Variants in STX1B observed in about 807,000 individuals in gnomAD.
STX1B encodes the protein syntaxin-1B.
STX1B carries 7 observed loss-of-function variants against 39.4 expected under a neutral mutation model. The observed-to-expected ratio is 0.18, with a 90% CI of 0.10 to 0.33. STX1B has a LOEUF of 0.33. Among genes scored for constraint, STX1B ranks in the 10% least tolerant of loss-of-function variants. The pLI is 1.00. For synonymous variants in STX1B, 136 were observed against 144.1 expected (o/e 0.94, Z 0.40); for missense variants, 198 against 383.2 (o/e 0.52, Z 4.04).
At position 30,989,405 on chromosome 16, in the gene STX1B, TAGAAATGGGACTCTGAGGGCTAAC is replaced by T. The variant is rs3833843; in HGVS notation, c.*3392_*3415del. ...TATCCATTTGCAAGTTGGTCACCAA[TAGAAATGGGACTCTGAGGGCTAAC>T]AGAAATGGGACTCTGAGGGCTAACA... On this transcript the variant is annotated 3_prime_UTR_variant, in exon 10 of 10. Transcript: ENST00000215095. 79,045 of 150,278 alleles carry T rather than the reference TAGAAATGGGACTCTGAGGGCTAAC, an allele frequency of 0.53. 23,025 individuals are homozygous for T. The highest frequency in any genetic ancestry group is 0.9 in the East Asian group (4,471 of 4,942). The allele number at this position is 150,278 out of a possible 1,614,324, so 9.3% of individuals were successfully genotyped here.
intron 1 of STX1B, among the ~76,000 whole-genome samples, chr16:31,006,774 G>A (rs961158105): frequency 1.3e-5 from 2 of 152,172 alleles, no homozygotes; most frequent in African/African-American, 4.8e-5. Flanking sequence ...CAGCATGCGC[G>A]AAGGTCCTTG....
rs1296235793 is a variant in STX1B at position 30,990,798 on chromosome 16, G to A, written c.*2023C>T. On this transcript the variant is annotated 3_prime_UTR_variant, in exon 10 of 10. Coordinates refer to ENST00000215095, the MANE Select transcript of STX1B (RefSeq NM_052874.5). ...CTGTGCTGGCTACACAACAGGGGAG[G>A]TGCTAGCCCCTTCCTCACACCAGAA... 6.6e-6 allele frequency: 1 copy of A among 152,244 alleles called. No individual in the cohort carries two copies. The highest frequency in any genetic ancestry group is 1.5e-5 in the Non-Finnish European group (1 of 68,054). The allele number at this position is 152,244 out of a possible 1,614,324, so 9.4% of individuals were successfully genotyped here. A position where few individuals can be genotyped will look rare whatever the true frequency, so the allele number is the denominator to read the frequency against.
Position 30,996,673 on chromosome 16 carries a change from C to G in STX1B, c.537+10G>C, listed in dbSNP as rs753334289. 7.4e-6 allele frequency: 12 copies of G among 1,612,328 alleles called. No individual in the cohort carries two copies. In the South Asian group the frequency reaches 1.3e-4, roughly 18 times the overall value. ...TTCCAAAAGCAGAGCCCGCCCCACC[C>G]GCGGCTCACGTCATCTGTGAAGATG... On this transcript the variant is annotated intron_variant, in intron 7 of 9. Transcript: ENST00000215095.
chr16:30,993,912 G>C (rs999086124), intron 7 of STX1B, among the ~76,000 whole-genome samples: 14 of 151,810 alleles, frequency 9.2e-5, no homozygotes, highest in South Asian at 2.1e-4. Flanking sequence ...TTGAACCCGG[G>C]GGGGCAGAGG....
At chr16:30,993,560 T>A in intron 7 of STX1B, 76 bp from the exon 8 acceptor site, 1 of 1,547,086 alleles carries the variant, frequency 6.5e-7, no homozygotes, top group Non-Finnish European at 8.9e-7. Context: ...GTGGCCAGGG[T>A]CAAATCCGGT....
chr16:30,995,422 G>T (rs1170729166), intron 7 of STX1B, among the ~76,000 whole-genome samples: 1 of 152,098 alleles, frequency 6.6e-6, no homozygotes, highest in African/African-American at 2.4e-5. Flanking sequence ...GGAGACAGGA[G>T]TGGGCAGGCC....
chr16:31,006,839 G>A (rs900755585), intron 1 of STX1B, among the ~76,000 whole-genome samples: 3 of 152,222 alleles, frequency 2.0e-5, no homozygotes, highest in Non-Finnish European at 2.9e-5. Flanking sequence ...TGCCAGCCGA[G>A]CGCGGTGGCT....
intron 4 of STX1B, 26 bp downstream of exon 4, chr16:31,000,902 C>T: frequency 1.2e-6 from 2 of 1,613,502 alleles, no homozygotes; most frequent in East Asian, 4.5e-5. Context: ...TCTTTTCCTT[C>T]CTGGTTGAGG....
At chr16:30,994,892 C>CTT (rs10524041) in intron 7 of STX1B, among the ~76,000 whole-genome samples, 4 of 99,810 alleles carry the variant, frequency 4.0e-5, no homozygotes, top group Admixed American at 1.2e-4. Context: ...GTCTCCCCGT[C>CTT]TTTTTTTTTT....
intron 1 of STX1B, among the ~76,000 whole-genome samples, chr16:31,007,275 G>A (rs995175177): frequency 3.3e-5 from 5 of 152,164 alleles, no homozygotes; most frequent in South Asian, 2.1e-4. Flanking sequence ...GGCACGGGGC[G>A]GTCCCTCAGC....
At chr16:30,995,915 G>A (rs1036923806) in intron 7 of STX1B, among the ~76,000 whole-genome samples, 21 of 152,142 alleles carry the variant, frequency 1.4e-4, no homozygotes, top group African/African-American at 4.8e-4. Context: ...GGTGGTTCAC[G>A]TCTGTAATCC....
At position 31,001,465 on chromosome 16, in the gene STX1B, G is replaced by C; in HGVS notation, c.105+64C>G. 2 of 1,281,232 alleles carry C rather than the reference G, an allele frequency of 1.6e-6. No individual in the cohort carries two copies. Among genetic ancestry groups the C allele is most frequent in the Non-Finnish European group, 2.2e-6 (2 of 923,616 alleles). 79.4% of individuals were successfully genotyped at this position (1,281,232 alleles called of 1,614,324 possible). On this transcript the variant is annotated intron_variant, in intron 2 of 9. Coordinates refer to ENST00000215095, the MANE Select transcript of STX1B (RefSeq NM_052874.5). The surrounding 1 kb of genome is among the most constrained non-coding windows in gnomAD (Gnocchi z 5.5). ...TGCCGGGGCTGAGGCTGGGCGGTGG[G>C]ACTAGGGGCTGGGGCTGGGTGCTGG...
At chr16:31,002,440 C>T (rs956215169) in intron 1 of STX1B, among the ~76,000 whole-genome samples, 1 of 152,142 alleles carries the variant, frequency 6.6e-6, no homozygotes, top group Admixed American at 6.6e-5. Flanking sequence ...TAGGCCCCCC[C>T]GACACCCACA....
At chr16:30,993,303 G>C in intron 8 of STX1B, 44 bp downstream of exon 8, 1 of 1,613,580 alleles carries the variant, frequency 6.2e-7, no homozygotes, top group Non-Finnish European at 8.5e-7. Context: ...GGGACCTCAG[G>C]CCCAGGGAGG....
At chr16:31,006,280 T>C (rs988816343) in intron 1 of STX1B, among the ~76,000 whole-genome samples, 2 of 152,026 alleles carry the variant, frequency 1.3e-5, no homozygotes, top group African/African-American at 4.8e-5. Context: ...GGCTGGGGCC[T>C]CTCCTTGCTC....
chr16:31,001,711 G>C lies in STX1B; in HGVS notation c.31-108C>G. The stretch of plus-strand genomic sequence containing the variant: ...TGCTATGCACACACAGGTGCTCCCA[G>C]CTCTAGGCTCAGAGGAGGGGTCCTG... On this transcript the variant is annotated intron_variant, in intron 1 of 9. Coordinates refer to ENST00000215095, the MANE Select transcript of STX1B (RefSeq NM_052874.5). This position sits in a 1 kb window ranked among gnomAD's most constrained non-coding sequence, Gnocchi z 5.5. The C allele has an allele frequency of 1.2e-6, 1 of 825,952 alleles. No individual in the cohort carries two copies. Among genetic ancestry groups the C allele is most frequent in the Non-Finnish European group, 1.9e-6 (1 of 524,338 alleles). 51.2% of individuals were successfully genotyped at this position (825,952 alleles called of 1,614,324 possible). A position where few individuals can be genotyped will look rare whatever the true frequency, so the allele number is the denominator to read the frequency against.
chr16:30,992,753 G>A lies in STX1B; in HGVS notation c.*68C>T. On this transcript the variant is annotated 3_prime_UTR_variant, in exon 10 of 10. Coordinates refer to ENST00000215095, the MANE Select transcript of STX1B (RefSeq NM_052874.5). Reference sequence around the variant, plus strand: ...GCCTGGAGCAGGGGATGGAGTGAAAGGGGTGGTGGGGGTATTGCTCCCGAT... The same window carrying A: ...GCCTGGAGCAGGGGATGGAGTGAAAAGGGTGGTGGGGGTATTGCTCCCGAT... 1.0e-6 allele frequency: 1 copy of A among 962,654 alleles called. No homozygotes were observed. Among genetic ancestry groups the A allele is most frequent in the Non-Finnish European group, 1.6e-6 (1 of 608,586 alleles). 59.6% of individuals were successfully genotyped at this position (962,654 alleles called of 1,614,324 possible). A position where few individuals can be genotyped will look rare whatever the true frequency, so the allele number is the denominator to read the frequency against.
intron 5 of STX1B, 104 bp downstream of exon 5, chr16:30,997,398 T>C: frequency 2.5e-6 from 1 of 402,870 alleles, no homozygotes; most frequent in Non-Finnish European, 4.4e-6. Context: ...CAGCCCTCCC[T>C]GACCACGCCC....
chr16:30,993,066 T>C (rs757236764), intron 9 of STX1B, 64 bp downstream of exon 9: 1 of 1,522,248 alleles, frequency 6.6e-7, no homozygotes, highest in Non-Finnish European at 9.1e-7. Flanking sequence ...CTGCCATCAC[T>C]CACCTCAGCC....
Sources: gnomAD v4.1 joint callset for allele counts (sites outside exome capture counted in the v4.1 genomes callset) on GRCh38, gnomAD v4.1.1 for gene constraint, Gnocchi (gnomAD v3.1) non-coding constraint, MANE v1.5 for transcripts, NCBI Gene and HGNC (gene_info 2026-07-23, HGNC 2026-07-21) for gene names.